The following NTM variants were observed in gnomAD, a reference collection of about 807,000 sequenced individuals.
The protein encoded by NTM is neurotrimin, also known as IgLON family member 2.
NTM carries 13 observed loss-of-function variants against 42.1 expected under a neutral mutation model. The observed-to-expected ratio is 0.31, with a 90% CI of 0.20 to 0.49. NTM has a LOEUF of 0.49. Ranked by LOEUF, NTM falls within the 20% of genes least tolerant of loss-of-function variation. NTM has a pLI of 0.99. For missense variants in NTM, 373 were observed against 452.8 expected, an observed-to-expected ratio of 0.82 and a Z score of 1.60; for synonymous variants, 187 against 179.2, an observed-to-expected ratio of 1.04 and a Z score of -0.35.
At chr11:131,926,884 T>C (rs2058027201) in intron 2 of NTM, among the ~76,000 whole-genome samples, 1 of 152,312 alleles carries the variant, frequency 6.6e-6, no homozygotes, top group Non-Finnish European at 1.5e-5. Flanking sequence ...TTTTCACTTA[T>C]CACATCTGCA....
intron 1 of NTM, among the ~76,000 whole-genome samples, chr11:131,762,912 G>T (rs1003641931): frequency 9.2e-5 from 14 of 152,204 alleles, no homozygotes; most frequent in African/African-American, 3.1e-4. Context: ...ACCGCTGAGC[G>T]ATGCCATGTG....
intron 1 of NTM, among the ~76,000 whole-genome samples, chr11:131,574,576 G>A (rs1369022839): frequency 6.8e-6 from 1 of 147,558 alleles, no homozygotes; most frequent in Non-Finnish European, 1.5e-5. Context: ...GTGTGTGTGT[G>A]TGTGTGTGTG....
At chr11:132,220,980 A>G (rs932936042) in intron 4 of NTM, among the ~76,000 whole-genome samples, 1 of 152,158 alleles carries the variant, frequency 6.6e-6, no homozygotes, top group Non-Finnish European at 1.5e-5. Context: ...ACCGCCCATC[A>G]CAACCAGGGT....
At chr11:132,290,434 A>G (rs2094418477) in intron 4 of NTM, among the ~76,000 whole-genome samples, 1 of 152,186 alleles carries the variant, frequency 6.6e-6, no homozygotes, top group Non-Finnish European at 1.5e-5. Context: ...AAAGAACTTA[A>G]TAAGGACGGT....
chr11:131,984,699 C>T (rs1190439039), intron 2 of NTM: 2 of 152,144 alleles, frequency 1.3e-5, no homozygotes, highest in African/African-American at 4.8e-5. Context: ...TTTTCAGCTA[C>T]ACAAAAACTG....
intron 1 of NTM, among the ~76,000 whole-genome samples, chr11:131,796,682 C>T (rs75453542): frequency 6.6e-6 from 1 of 152,174 alleles, no homozygotes; most frequent in African/African-American, 2.4e-5. Flanking sequence ...GACACAGGAG[C>T]TTATCAAGAA....
chr11:131,490,632 C>T (rs1047630078), intron 1 of NTM, among the ~76,000 whole-genome samples: 3 of 152,118 alleles, frequency 2.0e-5, no homozygotes, highest in African/African-American at 7.2e-5. Flanking sequence ...GAAACAGGGC[C>T]TGTCACTTGA....
chr11:131,392,274 C>G (rs940404015), intron 1 of NTM, among the ~76,000 whole-genome samples: 7 of 149,396 alleles, frequency 4.7e-5, no homozygotes, highest in African/African-American at 1.8e-4. Context: ...GATGGGAGTC[C>G]TGTGTGCAAC....
intron 1 of NTM, among the ~76,000 whole-genome samples, chr11:131,778,910 C>T (rs927644722): frequency 6.6e-6 from 1 of 152,246 alleles, no homozygotes; most frequent in Admixed American, 6.5e-5. Flanking sequence ...CTAGGTTATG[C>T]CACATGGCAA....
At chr11:131,647,694 G>A (rs555306808) in intron 1 of NTM, among the ~76,000 whole-genome samples, 1 of 152,276 alleles carries the variant, frequency 6.6e-6, no homozygotes, top group South Asian at 2.1e-4. Context: ...TGTAAATGAT[G>A]GAACTGGGGT....
intron 1 of NTM, among the ~76,000 whole-genome samples, chr11:131,423,722 C>T (rs1024924441): frequency 6.6e-5 from 10 of 152,098 alleles, no homozygotes; most frequent in Admixed American, 1.3e-4. Context: ...ACTCAGAATC[C>T]GCAAAAGAGG....
intron 2 of NTM, among the ~76,000 whole-genome samples, chr11:131,974,817 C>T (rs574970209): frequency 6.6e-6 from 1 of 152,150 alleles, no homozygotes; most frequent in African/African-American, 2.4e-5. Flanking sequence ...TTATTAGGTC[C>T]TAGTGTTTTT....
intron 1 of NTM, among the ~76,000 whole-genome samples, chr11:131,644,550 A>C (rs2065538133): frequency 6.6e-6 from 1 of 152,220 alleles, no homozygotes; most frequent in Non-Finnish European, 1.5e-5. Context: ...TCGCCACAGA[A>C]GTTTATTTTC....
chr11:131,780,005 T>G (rs1417472444), intron 1 of NTM, among the ~76,000 whole-genome samples: 2 of 152,328 alleles, frequency 1.3e-5, no homozygotes, highest in East Asian at 3.9e-4. Context: ...TCAGAATCTC[T>G]GCCTTCACCA....
chr11:131,509,690 A>C (rs1285431436), intron 1 of NTM, among the ~76,000 whole-genome samples: 1 of 152,208 alleles, frequency 6.6e-6, no homozygotes, highest in Non-Finnish European at 1.5e-5. Context: ...TTTACCACAC[A>C]CAACAGTTTC....
intron 1 of NTM, among the ~76,000 whole-genome samples, chr11:131,621,315 A>G (rs1280753171): frequency 6.6e-6 from 1 of 152,222 alleles, no homozygotes; most frequent in African/African-American, 2.4e-5. Flanking sequence ...TAATTTAAGA[A>G]CAGGTGTAAA....
At chr11:131,606,264 C>A (rs1439167731) in intron 1 of NTM, among the ~76,000 whole-genome samples, 1 of 152,152 alleles carries the variant, frequency 6.6e-6, no homozygotes, top group Non-Finnish European at 1.5e-5. Context: ...GCATGTTGTG[C>A]AAACTGGTCC....
intron 1 of NTM, among the ~76,000 whole-genome samples, chr11:131,417,335 T>C (rs868687833): frequency 7.2e-5 from 11 of 152,348 alleles, no homozygotes; most frequent in Middle Eastern, 6.8e-3. Context: ...TCTGATCTAA[T>C]TAGTATAACC....
intron 2 of NTM, among the ~76,000 whole-genome samples, chr11:132,004,977 A>G (rs933481544): frequency 2.0e-5 from 3 of 152,200 alleles, no homozygotes; most frequent in Admixed American, 6.5e-5. Context: ...ACGCAGAATG[A>G]CAACGGGATG....
Sources: allele counts gnomAD v4.1 joint callset (sites outside exome capture counted in the v4.1 genomes callset), GRCh38; gene constraint gnomAD v4.1.1; transcripts MANE v1.5; gene names NCBI Gene and HGNC (gene_info 2026-07-23, HGNC 2026-07-21).